The following ERBB4 variants were observed in gnomAD, a reference collection of about 807,000 sequenced individuals.
The protein encoded by ERBB4 is receptor tyrosine-protein kinase erbB-4.
A neutral mutation model predicts 158.0 loss-of-function variants in ERBB4; 42 were observed. The observed-to-expected ratio is 0.27, with a 90% confidence interval of 0.21 to 0.34. The LOEUF is 0.34. Ranked by LOEUF, ERBB4 falls within the 10% of genes least tolerant of loss-of-function variation. The pLI is 1.00. For synonymous variants in ERBB4, 583 were observed against 558.7 expected, an observed-to-expected ratio of 1.04 and a Z score of -0.61; for missense variants, 1,333 against 1,624.1, an observed-to-expected ratio of 0.82 and a Z score of 3.08.
intron 1 of ERBB4, among the ~76,000 whole-genome samples, chr2:212,184,069 T>A (rs2081947676): frequency 6.6e-6 from 1 of 152,132 alleles, no homozygotes; most frequent in Non-Finnish European, 1.5e-5. Context: ...GCTTTTCTCC[T>A]GCCTTAGGTC....
At chr2:211,588,177 AT>A (rs2068345373) in intron 19 of ERBB4, among the ~76,000 whole-genome samples, 1 of 152,168 alleles carries the variant, frequency 6.6e-6, no homozygotes. Context: ...ATTTGTTCAC[AT>A]TTTTATTTTT....
chr2:212,235,931 C>T (rs1042344864), intron 1 of ERBB4, among the ~76,000 whole-genome samples: 3 of 152,296 alleles, frequency 2.0e-5, no homozygotes, highest in South Asian at 2.1e-4. Flanking sequence ...TTTTGACTTC[C>T]TCTCTTCCTA....
At chr2:211,935,041 T>TCC (rs2080282181) in intron 3 of ERBB4, among the ~76,000 whole-genome samples, 1 of 151,858 alleles carries the variant, frequency 6.6e-6, no homozygotes, top group African/African-American at 2.4e-5. Flanking sequence ...TGTCATGTGA[T>TCC]CCCCTTTCTT....
intron 2 of ERBB4, among the ~76,000 whole-genome samples, chr2:212,094,076 G>T (rs2078857226): frequency 6.6e-6 from 1 of 151,790 alleles, no homozygotes; most frequent in African/African-American, 2.4e-5. Context: ...ATATGGTTTG[G>T]ATGTTCTATC....
At chr2:212,064,765 T>A (rs1047755560) in intron 2 of ERBB4, among the ~76,000 whole-genome samples, 1 of 151,830 alleles carries the variant, frequency 6.6e-6, no homozygotes, top group Non-Finnish European at 1.5e-5. Flanking sequence ...ACAAAGCGAT[T>A]TGGTAGAGAA....
intron 3 of ERBB4, among the ~76,000 whole-genome samples, chr2:211,796,453 T>C (rs1169859973): frequency 2.0e-5 from 3 of 151,992 alleles, no homozygotes; most frequent in Non-Finnish European, 2.9e-5. Context: ...TGATTATATG[T>C]ACACATTTAT....
chr2:211,668,630 G>A (rs1180710977), intron 14 of ERBB4, among the ~76,000 whole-genome samples: 1 of 151,856 alleles, frequency 6.6e-6, no homozygotes, highest in Non-Finnish European at 1.5e-5. Context: ...TTCTCTGGTA[G>A]CTACTGTAAA....
intron 5 of ERBB4, among the ~76,000 whole-genome samples, chr2:211,746,874 C>A (rs906815181): frequency 3.5e-4 from 51 of 146,712 alleles, no homozygotes; most frequent in Non-Finnish European, 4.8e-4. Flanking sequence ...ACTAGAAGAA[C>A]ATCGTGTTTC....
intron 2 of ERBB4, among the ~76,000 whole-genome samples, chr2:211,989,230 T>C (rs749856501): frequency 3.9e-5 from 6 of 151,940 alleles, no homozygotes; most frequent in Non-Finnish European, 7.4e-5. Flanking sequence ...TTACTGTGTC[T>C]TCTTGCAAAA....
intron 19 of ERBB4, among the ~76,000 whole-genome samples, chr2:211,570,652 C>T (rs1318785403): frequency 6.6e-6 from 1 of 152,162 alleles, no homozygotes; most frequent in Non-Finnish European, 1.5e-5. Flanking sequence ...ACTTCACCTT[C>T]ACTGTGCTTA....
chr2:212,107,133 T>A (rs940918293), intron 2 of ERBB4, among the ~76,000 whole-genome samples: 39 of 152,008 alleles, frequency 2.6e-4, no homozygotes, highest in Non-Finnish European at 4.0e-4. Context: ...AAATAATAGA[T>A]CCACCAATGA....
intron 1 of ERBB4, among the ~76,000 whole-genome samples, chr2:212,145,277 C>T (rs2080625985): frequency 1.3e-5 from 2 of 152,148 alleles, no homozygotes; most frequent in Non-Finnish European, 2.9e-5. Flanking sequence ...TTTTACTTCC[C>T]AGACATAGCT....
At chr2:212,229,674 C>T (rs1457476380) in intron 1 of ERBB4, among the ~76,000 whole-genome samples, 2 of 152,126 alleles carry the variant, frequency 1.3e-5, no homozygotes, top group Non-Finnish European at 2.9e-5. Flanking sequence ...AAGTTTAGGG[C>T]TGTTACAGCT....
chr2:211,875,040 AAAAAAAAAAAC>A (rs1374516418), intron 3 of ERBB4, among the ~76,000 whole-genome samples: 62 of 146,104 alleles, frequency 4.2e-4, no homozygotes, highest in Non-Finnish European at 8.1e-4. Flanking sequence ...AAAAAAAAAA[AAAAAAAAAAAC>A]AAACTCAAAT....
intron 3 of ERBB4, among the ~76,000 whole-genome samples, chr2:211,916,304 C>T (rs545731150): frequency 3.4e-4 from 52 of 152,020 alleles, no homozygotes; most frequent in East Asian, 1.4e-3. Flanking sequence ...CTCAGCCTCC[C>T]GAGTATCTGG....
intron 3 of ERBB4, among the ~76,000 whole-genome samples, chr2:211,913,472 G>A (rs1392827048): frequency 1.3e-5 from 2 of 152,048 alleles, no homozygotes; most frequent in African/African-American, 4.8e-5. Context: ...GTGATGGTGC[G>A]TGCCTGTCAT....
At chr2:212,515,636 AC>A (rs146899983) in intron 1 of ERBB4, among the ~76,000 whole-genome samples, 1,851 of 152,076 alleles carry the variant, frequency 0.012, 39 homozygotes, top group African/African-American at 0.043. Flanking sequence ...GAAAAGGTTC[AC>A]TAGTATATTG....
chr2:212,357,673 T>A (rs1505363), intron 1 of ERBB4, among the ~76,000 whole-genome samples: 95,054 of 151,398 alleles, frequency 0.63, 31,423 homozygotes, highest in African/African-American at 0.82. Flanking sequence ...CCTCCTTCGA[T>A]CTGTTTTAAC....
intron 19 of ERBB4, among the ~76,000 whole-genome samples, chr2:211,617,625 A>G (rs2069440777): frequency 6.6e-6 from 1 of 152,122 alleles, no homozygotes; most frequent in Admixed American, 6.6e-5. Context: ...CTGATTATCA[A>G]CCTACTATAT....
Sources: gnomAD v4.1 joint callset for allele counts (sites outside exome capture counted in the v4.1 genomes callset) on GRCh38, gnomAD v4.1.1 for gene constraint, MANE v1.5 for transcripts, NCBI Gene and HGNC (gene_info 2026-07-23, HGNC 2026-07-21) for gene names.